RALGPS2: variants seen among roughly 807,000 people sequenced by gnomAD.
RALGPS2 encodes the protein Ral GEF with PH domain and SH3 binding motif 2.
Under a neutral mutation model 86.8 loss-of-function variants are expected in RALGPS2, and 43 were observed. The ratio of observed to expected loss-of-function variants is 0.50; its 90% CI spans 0.39 to 0.64. The LOEUF (loss-of-function observed/expected upper bound fraction) is 0.64. Among genes scored for constraint, RALGPS2 ranks in the 30% least tolerant of loss-of-function variants. The pLI is 0.00. For missense variants in RALGPS2, 536 were observed against 694.6 expected (o/e 0.77, Z 2.57); for synonymous variants, 243 against 231.3 (o/e 1.05, Z -0.46).
At chr1:178,794,349 C>A (rs1325469659) in intron 4 of RALGPS2, among the ~76,000 whole-genome samples, 1 of 152,078 alleles carries the variant, frequency 6.6e-6, no homozygotes, top group African/African-American at 2.4e-5. Context: ...AACTCCTGAC[C>A]TAAAGTGAGC....
chr1:178,875,875 T>C (rs1658981716), intron 8 of RALGPS2, among the ~76,000 whole-genome samples: 1 of 152,078 alleles, frequency 6.6e-6, no homozygotes, highest in Admixed American at 6.6e-5. Flanking sequence ...AAAATTACAG[T>C]TGAGATTTCG....
Position 178,914,056 on chromosome 1 carries a change from G to A in RALGPS2, c.1723-2274G>A, listed in dbSNP as rs149757349. On this transcript the variant is annotated intron_variant, in intron 19 of 19. Transcript: ENST00000367635. ...CTGTGTGCCTGCTCCCATGGGAGTG[G>A]CCAAACAGGGACCTTGGAAGGGGCC... Among the ~76,000 whole-genome samples the A allele has an allele frequency of 1.9e-3, 283 of 152,288 alleles. 4 individuals carry two copies. The highest frequency in any genetic ancestry group is 2.0e-3 in the Non-Finnish European group (136 of 68,010).
intron 8 of RALGPS2, chr1:178,865,392 G>T: frequency 6.2e-7 from 1 of 1,614,000 alleles, no homozygotes; most frequent in South Asian, 1.1e-5. Context: ...TGAGTAACAC[G>T]AGAGTTCATG....
At position 178,742,170 on chromosome 1, in the gene RALGPS2, G is replaced by A. The variant is rs1034931809; in HGVS notation, c.-84+16751G>A. 1.1e-4 allele frequency among the ~76,000 whole-genome samples: 16 copies of A among 150,454 alleles called. 1 individual carries two copies. The highest frequency in any genetic ancestry group is 3.9e-4 in the African/African-American group (16 of 40,852). ...AAAAAAAGAAGAAGAAGCAGAAATG[G>A]TGAGATTGGATTAAAAAAACAAGAG... On this transcript the variant is annotated intron_variant, in intron 1 of 19. Coordinates refer to ENST00000367635, the MANE Select transcript of RALGPS2 (RefSeq NM_152663.5).
At chr1:178,767,358 C>CTTTTTTTTTTTTTTTTTTTTT (rs1159630163) in intron 1 of RALGPS2, among the ~76,000 whole-genome samples, 5 of 70,452 alleles carry the variant, frequency 7.1e-5, no homozygotes, top group Admixed American at 1.6e-4. Flanking sequence ...TGTCCTTTGG[C>CTTTTTTTTTTTTTTTTTTTTT]TTTTTTTTTT....
chr1:178,828,961 T>C (rs1655888402), intron 7 of RALGPS2, among the ~76,000 whole-genome samples: 2 of 152,196 alleles, frequency 1.3e-5, no homozygotes, highest in Admixed American at 6.5e-5. Context: ...CAAAGAGATA[T>C]CTGCACTCCT....
chr1:178,887,507 A>G (rs1018021916), intron 13 of RALGPS2, among the ~76,000 whole-genome samples: 1 of 152,216 alleles, frequency 6.6e-6, no homozygotes, highest in Non-Finnish European at 1.5e-5. Flanking sequence ...TTAAAAAGAA[A>G]TAAAGGAGGA....
At chr1:178,906,941 A>G (rs1405202110) in intron 19 of RALGPS2, 74 bp downstream of exon 19, 1 of 1,324,430 alleles carries the variant, frequency 7.6e-7, no homozygotes, top group Non-Finnish European at 1.1e-6. Flanking sequence ...AGAGAAGTAA[A>G]CAGACTAGTT....
chr1:178,799,691 T>G (rs547474106), intron 4 of RALGPS2, among the ~76,000 whole-genome samples: 1 of 152,322 alleles, frequency 6.6e-6, no homozygotes, highest in African/African-American at 2.4e-5. Context: ...GTTCTTTTGA[T>G]TCTGAGCAAT....
rs1365723771 is a variant in RALGPS2 at position 178,833,501 on chromosome 1, C to T, written c.558C>T (p.Leu186=). The stretch of plus-strand genomic sequence containing the variant: ...GTAAAGAAGATAACTACAAAAGACT[C>T]AGAGACTATATAAGTAGCTTAAAGA... ...VMSKEDNYKR[L]RDYISSLKMT... The change falls in exon 8 of 20, where the codon CTC becomes CTT. Residue 186 remains leucine (L), a synonymous_variant. Coordinates refer to ENST00000367635, the MANE Select transcript of RALGPS2 (RefSeq NM_152663.5). The T allele has an allele frequency of 6.5e-7, 1 of 1,534,018 alleles. No individual in the cohort carries two copies. The highest frequency in any genetic ancestry group is 8.7e-7 in the Non-Finnish European group (1 of 1,152,270).
At chr1:178,898,818 T>C (rs1161206001) in intron 17 of RALGPS2, among the ~76,000 whole-genome samples, 1 of 151,954 alleles carries the variant, frequency 6.6e-6, no homozygotes, top group African/African-American at 2.4e-5. Context: ...GGAGATTTCT[T>C]CGGTGAATAT....
intron 1 of RALGPS2, chr1:178,746,693 G>A: frequency 2.6e-6 from 2 of 774,178 alleles, no homozygotes; most frequent in Non-Finnish European, 4.8e-6. Flanking sequence ...TTAGGTATCT[G>A]TCAATCTTGG....
intron 1 of RALGPS2, among the ~76,000 whole-genome samples, chr1:178,757,981 T>C (rs1027468482): frequency 9.9e-5 from 15 of 152,196 alleles, no homozygotes; most frequent in African/African-American, 3.4e-4. Context: ...TATTGGTGTG[T>C]TTAGGGTTTC....
At chr1:178,771,527 G>C (rs1036769460) in intron 1 of RALGPS2, among the ~76,000 whole-genome samples, 1 of 151,906 alleles carries the variant, frequency 6.6e-6, no homozygotes, top group African/African-American at 2.4e-5. Context: ...TAATTTTGAT[G>C]TACTCAGTTA....
intron 13 of RALGPS2, among the ~76,000 whole-genome samples, chr1:178,886,532 A>G (rs748847478): frequency 2.0e-5 from 3 of 152,192 alleles, no homozygotes; most frequent in Admixed American, 6.5e-5. Context: ...TTGGGGAATC[A>G]GGTGTGTTTT....
At chr1:178,905,385 G>T (rs1660351021) in intron 18 of RALGPS2, among the ~76,000 whole-genome samples, 1 of 152,020 alleles carries the variant, frequency 6.6e-6, no homozygotes, top group African/African-American at 2.4e-5. Flanking sequence ...ATGGTTTTTT[G>T]CGGGGGAGGG....
At chr1:178,746,354 A>T (rs1651330292) in intron 1 of RALGPS2, among the ~76,000 whole-genome samples, 1 of 152,230 alleles carries the variant, frequency 6.6e-6, no homozygotes, top group African/African-American at 2.4e-5. Context: ...TATTTAACAA[A>T]AATATTTAAT....
At chr1:178,827,128 A>G (rs1655783154) in intron 7 of RALGPS2, among the ~76,000 whole-genome samples, 1 of 152,226 alleles carries the variant, frequency 6.6e-6, no homozygotes, top group Non-Finnish European at 1.5e-5. Flanking sequence ...ACAGAAAACT[A>G]TAAAACATTA....
chr1:178,743,430 A>G (rs530846074), intron 1 of RALGPS2, among the ~76,000 whole-genome samples: 2 of 152,336 alleles, frequency 1.3e-5, no homozygotes, highest in South Asian at 4.1e-4. Context: ...TACTCATTAG[A>G]ATCAATGAAA....
Sources: allele counts gnomAD v4.1 joint callset (sites outside exome capture counted in the v4.1 genomes callset), GRCh38; gene constraint gnomAD v4.1.1; transcripts MANE v1.5; gene names NCBI Gene and HGNC (gene_info 2026-07-23, HGNC 2026-07-21).